MCF2L2: variants seen among roughly 807,000 people sequenced by gnomAD.
The protein encoded by MCF2L2 is MCF.2 cell line derived transforming sequence-like 2.
Under a neutral mutation model 150.2 loss-of-function variants are expected in MCF2L2, and 102 were observed. That is an observed-to-expected ratio of 0.68 (90% CI 0.58 to 0.80). The LOEUF (loss-of-function observed/expected upper bound fraction) is 0.80, where lower values mean the gene tolerates loss of function less well. MCF2L2 is among the 30% of genes least tolerant of loss of function. The pLI, the probability that MCF2L2 is intolerant of heterozygous loss-of-function variation, is 0.00. For synonymous variants in MCF2L2, 465 were observed against 491.3 expected (o/e 0.95, Z 0.71); for missense variants, 1,256 against 1,372.8 (o/e 0.91, Z 1.34).
chr3:183,406,011 A>T (rs1237183145), intron 1 of MCF2L2, among the ~76,000 whole-genome samples: 1 of 151,914 alleles, frequency 6.6e-6, no homozygotes, highest in African/African-American at 2.4e-5. Context: ...CCACCACCAC[A>T]CCTGGCCCTG....
rs1274363142 is a variant in MCF2L2, at chr3:183,178,539, AAAC to A, written c.*838_*840del. 2 of 152,106 alleles carry A rather than the reference AAAC, an allele frequency of 1.3e-5. No homozygotes were observed. The highest frequency in any genetic ancestry group is 2.9e-5 in the Non-Finnish European group (2 of 68,042). The allele number at this position is 152,106 out of a possible 1,614,324, so 9.4% of individuals were successfully genotyped here. ...TTGAACATCTGTAACTCCTAAAACA[AAAC>A]AACTACATATAAATAACTGAAAATG... On this transcript the variant is annotated 3_prime_UTR_variant, in exon 30 of 30. Transcript: ENST00000328913.
At chr3:183,361,020 A>G (rs868121395) in intron 3 of MCF2L2, among the ~76,000 whole-genome samples, 2 of 126,686 alleles carry the variant, frequency 1.6e-5, no homozygotes, top group African/African-American at 6.5e-5. Flanking sequence ...AAAGAAAAGA[A>G]AAGAGAAAAG....
At chr3:183,376,553 A>G (rs1350646899) in intron 3 of MCF2L2, 2 of 152,254 alleles carry the variant, frequency 1.3e-5, no homozygotes, top group Non-Finnish European at 1.5e-5. Context: ...GCAGGAATGA[A>G]GAGCTGGGGT....
At position 183,205,860 on chromosome 3, in the gene MCF2L2, A is replaced by T; in HGVS notation, c.2884+16T>A. 6.2e-7 allele frequency: 1 copy of T among 1,603,238 alleles called. No individual in the cohort carries two copies. Among genetic ancestry groups the T allele is most frequent in the South Asian group, 1.1e-5 (1 of 90,774 alleles). On this transcript the variant is annotated intron_variant, in intron 25 of 29. Coordinates refer to ENST00000328913, the MANE Select transcript of MCF2L2 (RefSeq NM_015078.4). ...CAGTATAACTCGACAGACGAAAGTC[A>T]GCAGGGGTAACCTACCTTTGATATT...
chr3:183,300,193 G>C lies in MCF2L2; in HGVS notation c.1117C>G (p.Pro373Ala). 1 of 1,600,512 alleles carries C rather than the reference G, an allele frequency of 6.2e-7. No homozygotes were observed. The change falls in exon 11 of 30, where the codon CCC becomes GCC. Residue 373 changes from proline (P) to alanine (A), a missense_variant. By Grantham distance (27) the Pro-to-Ala change is conservative. Transcript: ENST00000328913. ...GCCAGCAGCTGGGCCTTTTCCAGGG[G>C]CTCCTGCAAAGTGAACACCCACAGC... The part of the protein sequence containing the change: ...HKKLEEKSQE[P>A]LEKAQLLALV...
At chr3:183,315,724 C>G (rs1560017977) in intron 7 of MCF2L2, among the ~76,000 whole-genome samples, 1 of 152,184 alleles carries the variant, frequency 6.6e-6, no homozygotes, top group Non-Finnish European at 1.5e-5. Context: ...CTCTGCAGAA[C>G]TCTTTGCCTG....
rs553611363 is a variant in MCF2L2, at chr3:183,425,386, T to C, written c.76+2516A>G. Among the ~76,000 whole-genome samples the C allele has an allele frequency of 2.7e-4, 41 of 152,206 alleles. No individual in the cohort carries two copies. The South Asian group carries it at 8.5e-3, about 32-fold the overall frequency. The stretch of plus-strand genomic sequence containing the variant: ...TGGCTACCCTGGCAAGTGGCTAGGA[T>C]AGGACCCGGAGAATGTTCCAACCCA... On this transcript the variant is annotated intron_variant, in intron 1 of 29. Coordinates refer to ENST00000328913, the MANE Select transcript of MCF2L2 (RefSeq NM_015078.4).
Position 183,204,463 on chromosome 3 carries a change from G to GATAATA in MCF2L2, c.2884+1407_2884+1412dup, listed in dbSNP as rs3075571. Among the ~76,000 whole-genome samples, 395 of 149,012 alleles carry GATAATA rather than the reference G, an allele frequency of 2.7e-3. 3 individuals carry two copies. Among genetic ancestry groups the GATAATA allele is most frequent in the South Asian group, 5.7e-3 (27 of 4,720 alleles). On this transcript the variant is annotated intron_variant, in intron 25 of 29. Transcript: ENST00000328913. Reference sequence around the variant, plus strand: ...AGTACATGCCCACTAGGATGGCAATGATAATAATAATAATAATAATAATGT... The same window carrying GATAATA: ...AGTACATGCCCACTAGGATGGCAATGATAATAATAATAATAATAATAATAATAATGT...
chr3:183,295,903 A>G (rs1728475234), intron 12 of MCF2L2, among the ~76,000 whole-genome samples: 1 of 152,182 alleles, frequency 6.6e-6, no homozygotes, highest in African/African-American at 2.4e-5. Context: ...GGTTGCACTG[A>G]GCCGAGATCA....
intron 3 of MCF2L2, among the ~76,000 whole-genome samples, chr3:183,349,163 T>C (rs1731015304): frequency 6.6e-6 from 1 of 152,340 alleles, no homozygotes; most frequent in East Asian, 1.9e-4. Context: ...AACTCTACTA[T>C]TCCTCTCTTT....
intron 7 of MCF2L2, among the ~76,000 whole-genome samples, chr3:183,316,077 C>T (rs979145264): frequency 2.6e-5 from 4 of 152,206 alleles, no homozygotes; most frequent in Non-Finnish European, 4.4e-5. Flanking sequence ...GACCACTCTG[C>T]AGACTCCTTT....
chr3:183,423,762 C>T (rs887985275), intron 1 of MCF2L2, among the ~76,000 whole-genome samples: 2 of 151,684 alleles, frequency 1.3e-5, no homozygotes, highest in African/African-American at 2.4e-5. Context: ...CCTCAGCCTC[C>T]CAAGTAGCTG....
At position 183,179,998 on chromosome 3, in the gene MCF2L2, G is replaced by T; in HGVS notation, c.3105+73C>A. ...GGAGGGGGAGAGGGATGGAGGCTAG[G>T]GACAGGAGGCAGGAGGAGCTGATGA... On this transcript the variant is annotated intron_variant, in intron 28 of 29. Coordinates refer to ENST00000328913, the MANE Select transcript of MCF2L2 (RefSeq NM_015078.4). This position sits in a 1 kb window ranked among gnomAD's most constrained non-coding sequence, Gnocchi z 4.2. The T allele has an allele frequency of 8.3e-7, 1 of 1,205,602 alleles. No individual in the cohort carries two copies. The highest frequency in any genetic ancestry group is 1.2e-6 in the Non-Finnish European group (1 of 815,020). The allele number at this position is 1,205,602 out of a possible 1,614,324, so 74.7% of individuals were successfully genotyped here.
chr3:183,270,635 T>TG lies in MCF2L2; in HGVS notation c.1862+6236_1862+6237insC. 2 of 1,614,162 alleles carry TG rather than the reference T, an allele frequency of 1.2e-6. No homozygotes were observed. The highest frequency in any genetic ancestry group is 1.7e-6 in the Non-Finnish European group (2 of 1,180,034). On this transcript the variant is annotated intron_variant, in intron 15 of 29. Coordinates refer to ENST00000328913, the MANE Select transcript of MCF2L2 (RefSeq NM_015078.4). The surrounding 1 kb of genome is among the most constrained non-coding windows in gnomAD (Gnocchi z 4.5). The stretch of plus-strand genomic sequence containing the variant: ...CATCACAGACACTAAATTCAAGTCT[T>TG]TACATAGACGATGTGTTCATGGGCC...
In MCF2L2 at chr3:183,276,919, G is replaced by A. The variant is rs1221479309; in HGVS notation, c.1815C>T (p.Asn605=). 1.2e-6 allele frequency: 2 copies of A among 1,610,938 alleles called. No individual in the cohort carries two copies. The highest frequency in any genetic ancestry group is 1.7e-6 in the Non-Finnish European group (2 of 1,178,476). Residue 605 remains asparagine, a synonymous_variant, in exon 15 of 30, where the codon AAC becomes AAT. Coordinates refer to ENST00000328913, the MANE Select transcript of MCF2L2 (RefSeq NM_015078.4). ...EIFESHHERG[N]PELEQQARLG... ...GCCTGGCCTGCTGCTCCAGCTCAGG[G>A]TTCCCCCTTTCATGATGGCTTTCAA...
chr3:183,415,345 C>G (rs1452128193), intron 1 of MCF2L2, among the ~76,000 whole-genome samples: 5 of 152,146 alleles, frequency 3.3e-5, no homozygotes, highest in Non-Finnish European at 7.3e-5. Context: ...CGCCACCACA[C>G]CTGACTAATT....
chr3:183,384,819 T>G (rs990999469), intron 2 of MCF2L2, among the ~76,000 whole-genome samples: 4 of 152,242 alleles, frequency 2.6e-5, no homozygotes, highest in Admixed American at 2.0e-4. Flanking sequence ...CAGTTGGAGC[T>G]CTATACTCTT....
intron 7 of MCF2L2, among the ~76,000 whole-genome samples, chr3:183,312,090 C>G (rs1729403935): frequency 6.6e-6 from 1 of 152,106 alleles, no homozygotes; most frequent in Non-Finnish European, 1.5e-5. Context: ...TAGTTTTAAT[C>G]CAAGATAGTG....
In MCF2L2 at chr3:183,264,945, A is replaced by G. The variant is rs1725955998; in HGVS notation, c.1862+11927T>C. ...ATTCTTTATTCTTCTGACTACCTCT[A>G]TTAGAAAAGATAATACTAAGAATAC... On this transcript the variant is annotated intron_variant, in intron 15 of 29. Transcript: ENST00000328913. Among the ~76,000 whole-genome samples the G allele has an allele frequency of 2.0e-5, 3 of 152,194 alleles. No homozygotes were observed. In the South Asian group the frequency reaches 6.2e-4, roughly 31 times the overall value.
Sources: allele counts gnomAD v4.1 joint callset (sites outside exome capture counted in the v4.1 genomes callset), GRCh38; gene constraint gnomAD v4.1.1; non-coding constraint Gnocchi (gnomAD v3.1); transcripts MANE v1.5; gene names NCBI Gene and HGNC (gene_info 2026-07-23, HGNC 2026-07-21).